HECW2: variants seen among roughly 807,000 people sequenced by gnomAD.
The protein encoded by HECW2 is E3 ubiquitin-protein ligase HECW2.
A neutral mutation model predicts 175.2 loss-of-function variants in HECW2; 61 were observed. The observed-to-expected ratio is 0.35, with a 90% CI of 0.28 to 0.43. HECW2 has a LOEUF of 0.43. Ranked by LOEUF, HECW2 falls within the 20% of genes least tolerant of loss-of-function variation. The pLI is 1.00. For missense variants in HECW2, 1,524 were observed against 2,000.5 expected (o/e 0.76, Z 4.54); for synonymous variants, 671 against 731.0 (o/e 0.92, Z 1.32).
chr2:196,528,106 G>A (rs1165339128), intron 1 of HECW2, among the ~76,000 whole-genome samples: 1 of 152,138 alleles, frequency 6.6e-6, no homozygotes, highest in Non-Finnish European at 1.5e-5. Flanking sequence ...CAACTGTAAT[G>A]GTGGTAGTAA....
intron 2 of HECW2, among the ~76,000 whole-genome samples, chr2:196,423,839 C>G (rs1695471050): frequency 6.6e-6 from 1 of 152,008 alleles, no homozygotes; most frequent in Admixed American, 6.6e-5. Context: ...ATGCTGACTT[C>G]ATTTCCTTTG....
chr2:196,466,631 C>T (rs1368016197), intron 1 of HECW2, among the ~76,000 whole-genome samples: 1 of 152,120 alleles, frequency 6.6e-6, no homozygotes, highest in Non-Finnish European at 1.5e-5. Context: ...GTTTGAAATT[C>T]TCCAGAAGAG....
In HECW2 at chr2:196,221,947, G is replaced by C. The variant is rs555536303; in HGVS notation, c.4146+264C>G. ...ATAAGGTAAATTCTCATATTTTGGG[G>C]GATATTTTAGTTGGAAATAAAAAGA... is the stretch of plus-strand genomic sequence containing the variant. On this transcript the variant is annotated intron_variant, in intron 24 of 28. Transcript: ENST00000644978. 1.2e-3 allele frequency among the ~76,000 whole-genome samples: 183 copies of C among 152,200 alleles called. 2 individuals are homozygous for C. The highest frequency in any genetic ancestry group is 4.0e-3 in the African/African-American group (166 of 41,532).
At chr2:196,567,135 C>T (rs1271329453) in intron 1 of HECW2, among the ~76,000 whole-genome samples, 1 of 152,160 alleles carries the variant, frequency 6.6e-6, no homozygotes, top group African/African-American at 2.4e-5. Flanking sequence ...TCTGTTCTCA[C>T]AGACTGGGGT....
At chr2:196,223,604 T>G (rs1321054153) in intron 23 of HECW2, among the ~76,000 whole-genome samples, 1 of 152,198 alleles carries the variant, frequency 6.6e-6, no homozygotes, top group African/African-American at 2.4e-5. Context: ...GAGCAGGCCT[T>G]AATATCATCC....
intron 1 of HECW2, among the ~76,000 whole-genome samples, chr2:196,480,662 G>GT (rs1356948354): frequency 2.0e-5 from 3 of 152,252 alleles, no homozygotes; most frequent in Non-Finnish European, 4.4e-5. Context: ...GAGCTGAAAG[G>GT]TGAGAGACCT....
intron 2 of HECW2, among the ~76,000 whole-genome samples, chr2:196,347,709 C>T (rs1457885696): frequency 6.6e-6 from 1 of 152,214 alleles, no homozygotes; most frequent in Non-Finnish European, 1.5e-5. Context: ...GTTCAAATGC[C>T]ATGGCCAGTG....
At chr2:196,248,414 C>T (rs1397546137) in intron 19 of HECW2, among the ~76,000 whole-genome samples, 1 of 152,034 alleles carries the variant, frequency 6.6e-6, no homozygotes, top group African/African-American at 2.4e-5. Flanking sequence ...CACAACTTCC[C>T]CATCCCTACC....
chr2:196,587,690 T>C (rs988936241), intron 1 of HECW2, among the ~76,000 whole-genome samples: 6 of 152,188 alleles, frequency 3.9e-5, no homozygotes, highest in African/African-American at 1.4e-4. Context: ...TTAACAAACA[T>C]GAAGTGGACC....
chr2:196,299,457 C>T (rs931092469), intron 13 of HECW2, among the ~76,000 whole-genome samples: 11 of 152,088 alleles, frequency 7.2e-5, no homozygotes, highest in African/African-American at 2.2e-4. Context: ...ATCTCTTTAT[C>T]CTAGGAGTTC....
At chr2:196,254,064 G>A (rs771005984) in intron 18 of HECW2, 35 bp from the exon 19 acceptor site, 1 of 1,609,986 alleles carries the variant, frequency 6.2e-7, no homozygotes, top group East Asian at 2.2e-5. Flanking sequence ...GGGCACTTCA[G>A]CCAAAGTAGT....
At position 196,220,901 on chromosome 2, in the gene HECW2, G is replaced by A; in HGVS notation, c.4187C>T (p.Pro1396Leu). The change falls in exon 25 of 29, where the codon CCA becomes CTA. Residue 1396 changes from proline to leucine, a missense_variant. Physicochemically the swap from Pro to Leu is moderately conservative, Grantham distance 98. Coordinates refer to ENST00000644978, the MANE Select transcript of HECW2 (RefSeq NM_001348768.2). ...CTCCTTCTTGTTCTTCTCTGTAACTGGGATATTGGCACCCCCTGGCTTTAA... is the reference window on the plus strand; with the variant it reads ...CTCCTTCTTGTTCTTCTCTGTAACTAGGATATTGGCACCCCCTGGCTTTAA... Reference protein sequence around the residue: ...RELKPGGANIPVTEKNKKEYI... With the variant: ...RELKPGGANILVTEKNKKEYI... 1.2e-6 allele frequency: 2 copies of A among 1,613,998 alleles called. No homozygotes were observed. The highest frequency in any genetic ancestry group is 1.7e-6 in the Non-Finnish European group (2 of 1,179,948).
chr2:196,478,450 T>C (rs1686733444), intron 1 of HECW2, among the ~76,000 whole-genome samples: 1 of 152,194 alleles, frequency 6.6e-6, no homozygotes, highest in African/African-American at 2.4e-5. Context: ...CCCAGTAGCT[T>C]TGCAGTCACT....
At chr2:196,280,596 G>C (rs1158740599) in intron 14 of HECW2, among the ~76,000 whole-genome samples, 1 of 152,160 alleles carries the variant, frequency 6.6e-6, no homozygotes, top group Non-Finnish European at 1.5e-5. Flanking sequence ...GTGAGATTTT[G>C]TCATCAGCCT....
Position 196,575,513 on chromosome 2 carries a change from T to C in HECW2, c.-36+17995A>G, listed in dbSNP as rs924333909. 4.6e-5 allele frequency among the ~76,000 whole-genome samples: 7 copies of C among 152,170 alleles called. No homozygotes were observed. The South Asian group carries it at 1.2e-3, about 27-fold the overall frequency. ...TATCCAAGGTATGGAAACAGTCAAA[T>C]GTCCATCAGTACATGAATGAATAAA... On this transcript the variant is annotated intron_variant, in intron 1 of 28. Coordinates refer to ENST00000644978, the MANE Select transcript of HECW2 (RefSeq NM_001348768.2).
At chr2:196,414,270 A>G (rs1398082524) in intron 2 of HECW2, among the ~76,000 whole-genome samples, 1 of 152,174 alleles carries the variant, frequency 6.6e-6, no homozygotes, top group Non-Finnish European at 1.5e-5. Context: ...ACTGTTTTGT[A>G]TCCCACTTTA....
chr2:196,488,758 T>C (rs1687094610), intron 1 of HECW2, among the ~76,000 whole-genome samples: 1 of 152,170 alleles, frequency 6.6e-6, no homozygotes, highest in Non-Finnish European at 1.5e-5. Flanking sequence ...TACAGTTTTT[T>C]TATTTTTACT....
At chr2:196,519,360 A>T (rs1688262712) in intron 1 of HECW2, among the ~76,000 whole-genome samples, 1 of 152,208 alleles carries the variant, frequency 6.6e-6, no homozygotes, top group African/African-American at 2.4e-5. Context: ...TACTCAACAA[A>T]CTGCACCAAA....
chr2:196,483,572 T>A (rs1368404406), intron 1 of HECW2, among the ~76,000 whole-genome samples: 1 of 152,170 alleles, frequency 6.6e-6, no homozygotes, highest in Non-Finnish European at 1.5e-5. Flanking sequence ...ACTTTCAGAA[T>A]CCAGTAAGTG....
Sources: allele counts gnomAD v4.1 joint callset (sites outside exome capture counted in the v4.1 genomes callset), GRCh38; gene constraint gnomAD v4.1.1; transcripts MANE v1.5; gene names NCBI Gene and HGNC (gene_info 2026-07-23, HGNC 2026-07-21).